DPP10: variants seen among roughly 807,000 people sequenced by gnomAD.
DPP10 encodes the protein dipeptidyl peptidase like 10.
Under a neutral mutation model 120.9 loss-of-function variants are expected in DPP10, and 33 were observed. The observed-to-expected ratio is 0.27, with a 90% CI of 0.21 to 0.37. DPP10 has a LOEUF of 0.37. DPP10 is among the 10% of genes least tolerant of loss of function. DPP10 has a pLI of 1.00. For missense variants in DPP10, 816 were observed against 942.8 expected, an observed-to-expected ratio of 0.87 and a Z score of 1.76; for synonymous variants, 337 against 326.1, an observed-to-expected ratio of 1.03 and a Z score of -0.36.
intron 1 of DPP10, among the ~76,000 whole-genome samples, chr2:114,790,586 TA>T (rs1558744274): frequency 1.3e-5 from 2 of 151,860 alleles, no homozygotes; most frequent in East Asian, 1.9e-4. Context: ...CAAAGGGAGA[TA>T]AAGGTGGGGC....
intron 1 of DPP10, among the ~76,000 whole-genome samples, chr2:114,692,545 T>C (rs1407147241): frequency 6.6e-6 from 1 of 152,058 alleles, no homozygotes; most frequent in Non-Finnish European, 1.5e-5. Context: ...ATGAAAAGAA[T>C]GTATACTCTG....
intron 1 of DPP10, among the ~76,000 whole-genome samples, chr2:114,756,237 CTAAG>C (rs1485528452): frequency 6.6e-6 from 1 of 152,098 alleles, no homozygotes; most frequent in Non-Finnish European, 1.5e-5. Context: ...AGAGGTGTCT[CTAAG>C]AAAGACATGC....
intron 1 of DPP10, among the ~76,000 whole-genome samples, chr2:114,545,033 G>C (rs1687270718): frequency 6.6e-6 from 1 of 152,066 alleles, no homozygotes; most frequent in Non-Finnish European, 1.5e-5. Context: ...TGTATATTTA[G>C]TAGAGACGGG....
At chr2:115,520,133 A>T (rs2077717702) in intron 4 of DPP10, among the ~76,000 whole-genome samples, 1 of 152,148 alleles carries the variant, frequency 6.6e-6, no homozygotes, top group Admixed American at 6.5e-5. Flanking sequence ...TCTGGCCAAC[A>T]TAGTGAAACC....
chr2:115,533,572 G>T (rs1377830371), intron 5 of DPP10, among the ~76,000 whole-genome samples: 4 of 152,058 alleles, frequency 2.6e-5, no homozygotes, highest in African/African-American at 9.7e-5. Context: ...TCTAATTAAA[G>T]TCTGGACCTT....
At chr2:114,671,737 C>A (rs1698355424) in intron 1 of DPP10, among the ~76,000 whole-genome samples, 1 of 151,962 alleles carries the variant, frequency 6.6e-6, no homozygotes, top group Non-Finnish European at 1.5e-5. Flanking sequence ...TATGTAAGGG[C>A]TGCTGGGTTG....
At chr2:115,411,978 G>A (rs1256562749) in intron 3 of DPP10, among the ~76,000 whole-genome samples, 1 of 152,146 alleles carries the variant, frequency 6.6e-6, no homozygotes, top group Non-Finnish European at 1.5e-5. Context: ...GAAAGCAATT[G>A]CAGGTATAGC....
chr2:115,660,599 T>C (rs1003955873), intron 5 of DPP10, among the ~76,000 whole-genome samples: 1 of 146,222 alleles, frequency 6.8e-6, no homozygotes, highest in Non-Finnish European at 1.5e-5. Flanking sequence ...TATCATCTTA[T>C]CTTAGACCCC....
intron 3 of DPP10, among the ~76,000 whole-genome samples, chr2:115,414,169 A>C (rs2069180506): frequency 6.6e-6 from 1 of 152,072 alleles, no homozygotes; most frequent in Admixed American, 6.5e-5. Context: ...ATTTAGGATT[A>C]GATTTCAGAA....
intron 3 of DPP10, among the ~76,000 whole-genome samples, chr2:115,351,792 T>G (rs113671899): frequency 0.027 from 4,158 of 152,138 alleles, 190 homozygotes; most frequent in African/African-American, 0.094. Flanking sequence ...TGACCAAAAA[T>G]GTTTTATTTA....
chr2:115,376,647 C>A (rs1381285068), intron 3 of DPP10, among the ~76,000 whole-genome samples: 6 of 150,654 alleles, frequency 4.0e-5, no homozygotes, highest in Non-Finnish European at 8.9e-5. Context: ...GTGCGCTGCA[C>A]CCACTAACTC....
At chr2:115,377,324 G>C (rs1275974988) in intron 3 of DPP10, among the ~76,000 whole-genome samples, 1 of 152,068 alleles carries the variant, frequency 6.6e-6, no homozygotes, top group Non-Finnish European at 1.5e-5. Context: ...ATTTTTTCAT[G>C]TGTTTTTTGG....
At chr2:114,741,455 AG>A (rs1411092743) in intron 1 of DPP10, among the ~76,000 whole-genome samples, 1 of 152,100 alleles carries the variant, frequency 6.6e-6, no homozygotes, top group Non-Finnish European at 1.5e-5. Flanking sequence ...AAATTCTTGG[AG>A]GAGAGTTCAC....
At chr2:115,109,214 G>C (rs1469255635) in intron 1 of DPP10, among the ~76,000 whole-genome samples, 3 of 152,078 alleles carry the variant, frequency 2.0e-5, no homozygotes, top group East Asian at 1.9e-4. Context: ...TAACCCTAAT[G>C]CTTTCTAGAA....
intron 1 of DPP10, among the ~76,000 whole-genome samples, chr2:114,966,640 A>G (rs1209406822): frequency 1.3e-5 from 2 of 152,228 alleles, no homozygotes; most frequent in East Asian, 1.9e-4. Context: ...AGCAACACAC[A>G]TGGACTAAGA....
At chr2:115,649,928 G>A (rs1288538078) in intron 5 of DPP10, among the ~76,000 whole-genome samples, 1 of 151,954 alleles carries the variant, frequency 6.6e-6, no homozygotes, top group Non-Finnish European at 1.5e-5. Context: ...CAAGTATCAT[G>A]TTTTCTCCAG....
intron 1 of DPP10, among the ~76,000 whole-genome samples, chr2:114,769,446 G>A (rs1681050410): frequency 2.0e-5 from 3 of 152,172 alleles, no homozygotes; most frequent in South Asian, 4.1e-4. Flanking sequence ...TCGATACAGG[G>A]AAGCTAGCAT....
At chr2:115,757,958 T>C (rs1679633384) in intron 11 of DPP10, among the ~76,000 whole-genome samples, 1 of 152,120 alleles carries the variant, frequency 6.6e-6, no homozygotes, top group Admixed American at 6.6e-5. Flanking sequence ...ACTCACCTTA[T>C]TCATGTTAAG....
intron 1 of DPP10, among the ~76,000 whole-genome samples, chr2:114,500,481 A>G (rs566839385): frequency 2.0e-5 from 3 of 152,364 alleles, no homozygotes; most frequent in Middle Eastern, 6.8e-3. Context: ...TGGAAGCATT[A>G]TACCAAAGTG....
Sources: allele counts gnomAD v4.1 joint callset (sites outside exome capture counted in the v4.1 genomes callset), GRCh38; gene constraint gnomAD v4.1.1; transcripts MANE v1.5; gene names NCBI Gene and HGNC (gene_info 2026-07-23, HGNC 2026-07-21).